C7: variants seen among roughly 807,000 people sequenced by gnomAD.
C7 encodes the protein complement component C7.
A neutral mutation model predicts 104.8 loss-of-function variants in C7; 83 were observed. The ratio of observed to expected loss-of-function variants is 0.79; its 90% CI spans 0.66 to 0.95. The LOEUF is 0.95. Among genes scored for constraint, C7 ranks in the 40% least tolerant of loss-of-function variants. The pLI, the probability that C7 is intolerant of heterozygous loss-of-function variation, is 0.00. For synonymous variants in C7, 415 were observed against 360.6 expected, an observed-to-expected ratio of 1.15 and a Z score of -1.71; for missense variants, 1,070 against 1,011.2, an observed-to-expected ratio of 1.06 and a Z score of -0.79.
Position 40,959,513 on chromosome 5 carries a change from A to G in C7, c.1554A>G (p.Thr518=). 1 of 1,611,752 alleles carries G rather than the reference A, an allele frequency of 6.2e-7. No homozygotes were observed. The change falls in exon 12 of 18, where the codon ACA becomes ACG. Residue 518 remains threonine (T), a synonymous_variant. Coordinates refer to ENST00000313164, the MANE Select transcript of C7 (RefSeq NM_000587.4). ...GCCCCTGTGTCCAAGGGAAGAAAAC[A>G]AGAAGCCGTGAATGCAATAACCCAC... ...SWSPCVQGKK[T]RSRECNNPPP...
At position 40,918,949 on chromosome 5, in the gene C7, G is replaced by GACACACACACACACAC. The variant is rs138558983; in HGVS notation, c.6+9361_6+9376dup. On this transcript the variant is annotated intron_variant, in intron 1 of 17. Transcript: ENST00000313164. ...CGCTTTAGACCTAATGAATCTAACA[G>GACACACACACACACAC]ACACACACACACACACACACACACA... is the stretch of plus-strand genomic sequence containing the variant. Among the ~76,000 whole-genome samples the GACACACACACACACAC allele has an allele frequency of 4.4e-4, 61 of 138,388 alleles. 2 individuals are homozygous for GACACACACACACACAC. The highest frequency in any genetic ancestry group is 1.3e-3 in the African/African-American group (48 of 35,708). The allele number at this position is 138,388 out of a possible 152,430, so 90.8% of individuals were successfully genotyped here. A position where few individuals can be genotyped will look rare whatever the true frequency, so the allele number is the denominator to read the frequency against.
Position 40,968,584 on chromosome 5 carries a change from ATATATATATATATATATTTTTTTTTTTT to A in C7, c.1882+3713_1882+3740del, listed in dbSNP as rs1417877463. ...ATATATATTTTATATATATATATAT[ATATATATATATATATATTTTTTTTTTTT>A]TTTTTTTTTTTTTTTTTGAGACAGA... On this transcript the variant is annotated intron_variant, in intron 14 of 17. Transcript: ENST00000313164. 3.7e-3 allele frequency among the ~76,000 whole-genome samples: 186 copies of A among 50,646 alleles called. 1 individual carries two copies. The highest frequency in any genetic ancestry group is 0.018 in the African/African-American group (172 of 9,388). The allele number at this position is 50,646 out of a possible 152,430, so 33.2% of individuals were successfully genotyped here. A position where few individuals can be genotyped will look rare whatever the true frequency, so the allele number is the denominator to read the frequency against.
intron 6 of C7, among the ~76,000 whole-genome samples, chr5:40,944,578 G>A (rs146336229): frequency 1.2e-4 from 19 of 152,276 alleles, no homozygotes; most frequent in Middle Eastern, 3.4e-3. Flanking sequence ...AAGGATAAAT[G>A]AATGATTGTC....
intron 1 of C7, among the ~76,000 whole-genome samples, chr5:40,926,571 G>T (rs1739558874): frequency 6.6e-6 from 1 of 152,148 alleles, no homozygotes; most frequent in African/African-American, 2.4e-5. Context: ...CTGTAAAATT[G>T]TAGAATATAA....
chr5:40,920,536 TA>T (rs555616278), intron 1 of C7, among the ~76,000 whole-genome samples: 4,015 of 121,674 alleles, frequency 0.033, 55 homozygotes, highest in Middle Eastern at 0.053. Flanking sequence ...GTTCTCCCAT[TA>T]AAAAAAAAAA....
intron 16 of C7, among the ~76,000 whole-genome samples, chr5:40,977,912 T>C (rs1451369467): frequency 6.6e-6 from 1 of 152,094 alleles, no homozygotes; most frequent in Non-Finnish European, 1.5e-5. Flanking sequence ...GGTGGGCCAA[T>C]TGCTCGAGCT....
intron 14 of C7, chr5:40,972,043 A>C (rs1341249739): frequency 2.1e-6 from 1 of 466,040 alleles, no homozygotes; most frequent in Non-Finnish European, 4.2e-6. Flanking sequence ...AGTTAATGAA[A>C]CTCTCCTGGT....
intron 13 of C7, among the ~76,000 whole-genome samples, chr5:40,963,604 C>T (rs1321711715): frequency 6.6e-6 from 1 of 152,124 alleles, no homozygotes; most frequent in African/African-American, 2.4e-5. Flanking sequence ...TAGAGCAGAG[C>T]TGGTCAAGGC....
At chr5:40,917,808 A>G (rs1739351963) in intron 1 of C7, among the ~76,000 whole-genome samples, 2 of 152,132 alleles carry the variant, frequency 1.3e-5, no homozygotes, top group Admixed American at 6.5e-5. Context: ...ACTTGTACAA[A>G]TGTAATAGTT....
Position 40,934,443 on chromosome 5 carries a change from G to C in C7, c.257G>C (p.Gly86Ala), listed in dbSNP as rs369730057. The change falls in exon 4 of 18, where the codon GGA (glycine) becomes GCA (alanine). Residue 86 changes from glycine to alanine, a missense_variant. By Grantham distance (60) the Gly-to-Ala change is moderately conservative (BLOSUM62 0). Transcript: ENST00000313164. ...TRGCPTEEGCGERFRCFSGQC... is the reference protein window; with the variant it reads ...TRGCPTEEGCAERFRCFSGQC... The stretch of plus-strand genomic sequence containing the variant: ...GGATGTCCAACAGAGGAGGGATGTG[G>C]AGAGCGTTTCAGGTGCTTTTCAGGT... 1.9e-6 allele frequency: 3 copies of C among 1,613,664 alleles called. No individual in the cohort carries two copies. In the African/African-American group the frequency reaches 4.0e-5, roughly 22 times the overall value.
intron 2 of C7, among the ~76,000 whole-genome samples, chr5:40,929,640 G>A (rs137859984): frequency 2.0e-5 from 3 of 152,206 alleles, no homozygotes; most frequent in Non-Finnish European, 4.4e-5. Context: ...TTTATTCTTC[G>A]TAGAGCATCA....
chr5:40,943,987 T>C (rs1334761673), intron 6 of C7, among the ~76,000 whole-genome samples: 6 of 152,228 alleles, frequency 3.9e-5, no homozygotes, highest in African/African-American at 1.4e-4. Flanking sequence ...ATCTTCACAC[T>C]TATACCTGTC....
intron 1 of C7, among the ~76,000 whole-genome samples, chr5:40,918,440 TTATC>T (rs1484632952): frequency 6.6e-6 from 1 of 152,098 alleles, no homozygotes; most frequent in Non-Finnish European, 1.5e-5. Flanking sequence ...TAGTAAGTCC[TTATC>T]TATCAATAAT....
chr5:40,911,841 C>T (rs924633084), intron 1 of C7, among the ~76,000 whole-genome samples: 8 of 151,096 alleles, frequency 5.3e-5, no homozygotes, highest in East Asian at 1.9e-4. Context: ...TGGGTTCAAG[C>T]GATTCTTCTG....
chr5:40,965,008 GT>G, intron 14 of C7, 135 bp downstream of exon 14: 1 of 1,005,208 alleles, frequency 9.9e-7, no homozygotes, highest in Middle Eastern at 2.1e-4. Context: ...TCCTGTTCAA[GT>G]TTTAGGAGCG....
intron 1 of C7, among the ~76,000 whole-genome samples, chr5:40,920,097 A>G (rs1275192096): frequency 2.0e-5 from 3 of 152,130 alleles, no homozygotes; most frequent in Admixed American, 1.3e-4. Flanking sequence ...TTAATTTAAA[A>G]AAAAGAAGAT....
chr5:40,959,918 C>A (rs1740389617), intron 12 of C7, among the ~76,000 whole-genome samples: 1 of 152,120 alleles, frequency 6.6e-6, no homozygotes, highest in Non-Finnish European at 1.5e-5. Flanking sequence ...AAGTTACTGG[C>A]CACATCTCTA....
chr5:40,932,247 A>G (rs1170791730), intron 3 of C7, among the ~76,000 whole-genome samples: 1 of 152,186 alleles, frequency 6.6e-6, no homozygotes, highest in Non-Finnish European at 1.5e-5. Context: ...ATTATGTTCC[A>G]TGATATGAAT....
intron 11 of C7, among the ~76,000 whole-genome samples, chr5:40,959,043 G>A (rs1480358890): frequency 6.6e-6 from 1 of 152,104 alleles, no homozygotes; most frequent in East Asian, 1.9e-4. Context: ...CTACGACTGT[G>A]ATTCATTCCT....
Sources: gnomAD v4.1 joint callset for allele counts (sites outside exome capture counted in the v4.1 genomes callset) on GRCh38, gnomAD v4.1.1 for gene constraint, MANE v1.5 for transcripts, NCBI Gene and HGNC (gene_info 2026-07-23, HGNC 2026-07-21) for gene names.